Variants in PCDHGB1 observed in about 807,000 individuals in gnomAD.
PCDHGB1 encodes protocadherin gamma-B1.
A neutral mutation model predicts 56.6 loss-of-function variants in PCDHGB1; 34 were observed. The ratio of observed to expected loss-of-function variants is 0.60; its 90% CI spans 0.46 to 0.80. The LOEUF (loss-of-function observed/expected upper bound fraction) is 0.80. Among genes scored for constraint, PCDHGB1 ranks in the 30% least tolerant of loss-of-function variants. The probability of loss-of-function intolerance (pLI) is 0.00; values close to 1 mark genes in which losing one functional copy is unlikely to be tolerated. For synonymous variants in PCDHGB1, 561 were observed against 505.9 expected, an observed-to-expected ratio of 1.11 and a Z score of -1.46; for missense variants, 1,278 against 1,204.6, an observed-to-expected ratio of 1.06 and a Z score of -0.90.
chr5:141,400,044 G>C lies in PCDHGB1; in HGVS notation c.2409+47375G>C, dbSNP rs745775469. 4 of 1,613,556 alleles carry C rather than the reference G, an allele frequency of 2.5e-6. No homozygotes were observed. In the South Asian group the frequency reaches 4.4e-5, roughly 18 times the overall value. On this transcript the variant is annotated intron_variant, in intron 1 of 3. Coordinates refer to ENST00000523390, the MANE Select transcript of PCDHGB1 (RefSeq NM_018922.3). ...GGGACGCGGCCCGCCAGCGCCTGCT[G>C]GTTGCTGTGCGTGATGGTGGACAGC...
intron 1 of PCDHGB1, among the ~76,000 whole-genome samples, chr5:141,438,593 T>C (rs982159150): frequency 4.1e-5 from 3 of 73,984 alleles, no homozygotes; most frequent in Non-Finnish European, 5.5e-5. Flanking sequence ...CATACATACA[T>C]ATATATATAT....
At chr5:141,444,621 G>A (rs1265458898) in intron 1 of PCDHGB1, among the ~76,000 whole-genome samples, 1 of 152,132 alleles carries the variant, frequency 6.6e-6, no homozygotes, top group Non-Finnish European at 1.5e-5. Flanking sequence ...CATGTGGCAT[G>A]ATGCACCAGT....
At chr5:141,436,632 G>T (rs763510513) in intron 1 of PCDHGB1, among the ~76,000 whole-genome samples, 2 of 152,130 alleles carry the variant, frequency 1.3e-5, no homozygotes, top group Non-Finnish European at 2.9e-5. Context: ...TTCACAACAT[G>T]CAATTAATTA....
intron 1 of PCDHGB1, chr5:141,409,594 C>G: frequency 1.2e-6 from 2 of 1,613,900 alleles, no homozygotes; most frequent in Non-Finnish European, 1.7e-6. Flanking sequence ...TGGCCGAGAA[C>G]AACCCGCCAG....
At position 141,422,030 on chromosome 5, in the gene PCDHGB1, C is replaced by T. The variant is rs1404612424; in HGVS notation, c.2409+69361C>T. ...ACTCGGGTGCTGATGGTTAATGCAA[C>T]GGATCCAGACGAGGGAATCAACGGG... On this transcript the variant is annotated intron_variant, in intron 1 of 3. Coordinates refer to ENST00000523390, the MANE Select transcript of PCDHGB1 (RefSeq NM_018922.3). 3 of 1,609,592 alleles carry T rather than the reference C, an allele frequency of 1.9e-6. No homozygotes were observed. The South Asian group carries it at 3.3e-5, about 18-fold the overall frequency.
intron 1 of PCDHGB1, chr5:141,393,311 C>T: frequency 6.2e-7 from 1 of 1,613,484 alleles, no homozygotes; most frequent in Non-Finnish European, 8.5e-7. Context: ...GCGTGAACTC[C>T]CTCCAGAGCT....
Position 141,487,247 on chromosome 5 carries a change from T to C in PCDHGB1, c.2410-7560T>C. Reference sequence around the variant, plus strand: ...GGAAGGAGAATCTCGTCTAACCCTCTACTTGGCTGTGTCCCTAGTGGCAAT... The same window carrying C: ...GGAAGGAGAATCTCGTCTAACCCTCCACTTGGCTGTGTCCCTAGTGGCAAT... On this transcript the variant is annotated intron_variant, in intron 1 of 3. Transcript: ENST00000523390. This position sits in a 1 kb window ranked among gnomAD's most constrained non-coding sequence, Gnocchi z 5.0. 1 of 1,614,174 alleles carries C rather than the reference T, an allele frequency of 6.2e-7. No individual in the cohort carries two copies. The highest frequency in any genetic ancestry group is 1.3e-5 in the African/African-American group (1 of 75,048).
chr5:141,359,993 C>T (rs1761386380), intron 1 of PCDHGB1: 1 of 1,050,006 alleles, frequency 9.5e-7, no homozygotes, highest in Admixed American at 3.2e-5. Flanking sequence ...AGGGGAACTT[C>T]CTGCACAAAC....
At chr5:141,373,405 C>A (rs1435253016) in intron 1 of PCDHGB1, among the ~76,000 whole-genome samples, 1 of 152,208 alleles carries the variant, frequency 6.6e-6, no homozygotes, top group Non-Finnish European at 1.5e-5. Context: ...TGCCTGTAGT[C>A]CCAGCTACTC....
intron 1 of PCDHGB1, among the ~76,000 whole-genome samples, chr5:141,445,851 A>G (rs957077325): frequency 2.0e-5 from 3 of 152,210 alleles, no homozygotes; most frequent in African/African-American, 7.2e-5. Context: ...CACACTTAAA[A>G]TTCTGGATTT....
intron 1 of PCDHGB1, among the ~76,000 whole-genome samples, chr5:141,452,114 A>C (rs1443131264): frequency 1.3e-5 from 2 of 152,098 alleles, no homozygotes; most frequent in Admixed American, 1.3e-4. Flanking sequence ...TTCTCTTCTT[A>C]TTTATTCATA....
At chr5:141,503,004 C>T (rs114294610) in intron 2 of PCDHGB1, among the ~76,000 whole-genome samples, 5,013 of 145,894 alleles carry the variant, frequency 0.034, 127 homozygotes, top group South Asian at 0.076. Context: ...CCACCATGCC[C>T]GGTTAATTTT....
In PCDHGB1 at chr5:141,403,547, G is replaced by A. The variant is rs940508173; in HGVS notation, c.2409+50878G>A. ...AAACCCAGAGCTGGTGCTGGAGCGC[G>A]CCCTGGACAGGGAGGAGGCAACTGC... On this transcript the variant is annotated intron_variant, in intron 1 of 3. Coordinates refer to ENST00000523390, the MANE Select transcript of PCDHGB1 (RefSeq NM_018922.3). 3.4e-5 allele frequency: 55 copies of A among 1,613,888 alleles called. No individual in the cohort carries two copies. The highest frequency in any genetic ancestry group is 4.5e-5 in the Non-Finnish European group (53 of 1,179,904).
chr5:141,432,706 C>G lies in PCDHGB1; in HGVS notation c.2410-62101C>G, dbSNP rs761752571. The G allele has an allele frequency of 6.2e-7, 1 of 1,613,988 alleles. No homozygotes were observed. Among genetic ancestry groups the G allele is most frequent in the African/African-American group, 1.3e-5 (1 of 75,072 alleles). Reference sequence around the variant, plus strand: ...GCCTCGTAGTGGCCGTCCAGGACCACGGCCAGCCCCCTCTCTCCGCCACTG... The same window carrying G: ...GCCTCGTAGTGGCCGTCCAGGACCAGGGCCAGCCCCCTCTCTCCGCCACTG... On this transcript the variant is annotated intron_variant, in intron 1 of 3. Transcript: ENST00000523390. The surrounding 1 kb of genome is among the most constrained non-coding windows in gnomAD (Gnocchi z 6.0).
At chr5:141,355,088 C>T (rs1759711689) in intron 1 of PCDHGB1, 2 of 1,465,708 alleles carry the variant, frequency 1.4e-6, no homozygotes, top group Admixed American at 2.5e-5. Flanking sequence ...AAGCGGAAGC[C>T]CTGAGAGCTC....
chr5:141,392,810 A>C (rs772526220), intron 1 of PCDHGB1: 1 of 1,580,390 alleles, frequency 6.3e-7, no homozygotes, highest in South Asian at 1.2e-5. Flanking sequence ...GCAGCAAAAC[A>C]ACAATGGCCG....
chr5:141,470,872 T>G, intron 1 of PCDHGB1, among the ~76,000 whole-genome samples: 1 of 151,814 alleles, frequency 6.6e-6, no homozygotes, highest in East Asian at 1.9e-4. Context: ...GTTTGTTTGT[T>G]TTTTTGTTTT....
At chr5:141,417,007 C>A (rs1204390468) in intron 1 of PCDHGB1, 1 of 148,406 alleles carries the variant, frequency 6.7e-6, no homozygotes, top group Non-Finnish European at 1.5e-5. Flanking sequence ...TCAAATAATT[C>A]TATTATTTTG....
At chr5:141,478,493 G>A in intron 1 of PCDHGB1, 1 of 1,613,176 alleles carries the variant, frequency 6.2e-7, no homozygotes, top group Non-Finnish European at 8.5e-7. Flanking sequence ...GCGGAGCTGT[G>A]ATCCGGTGTT....
Sources: allele counts gnomAD v4.1 joint callset (sites outside exome capture counted in the v4.1 genomes callset), GRCh38; gene constraint gnomAD v4.1.1; non-coding constraint Gnocchi (gnomAD v3.1); transcripts MANE v1.5; gene names NCBI Gene and HGNC (gene_info 2026-07-23, HGNC 2026-07-21).